The following PTPN3 variants were observed in gnomAD, a reference collection of about 807,000 sequenced individuals.
PTPN3 encodes the protein tyrosine-protein phosphatase non-receptor type 3.
PTPN3 carries 96 observed loss-of-function variants against 132.7 expected under a neutral mutation model. That is an observed-to-expected ratio of 0.72 (90% CI 0.61 to 0.86). The LOEUF (loss-of-function observed/expected upper bound fraction) is 0.86. Ranked by LOEUF, PTPN3 falls within the 40% of genes least tolerant of loss-of-function variation. PTPN3 has a pLI of 0.00. For synonymous variants in PTPN3, 398 were observed against 429.0 expected (o/e 0.93, Z 0.89); for missense variants, 1,125 against 1,159.6 (o/e 0.97, Z 0.43).
At position 109,457,252 on chromosome 9, in the gene PTPN3, C is replaced by T. The variant is rs539727271; in HGVS notation, c.247-37G>A. On this transcript the variant is annotated intron_variant, in intron 3 of 25. Coordinates refer to ENST00000374541, the MANE Select transcript of PTPN3 (RefSeq NM_002829.4). Reference sequence around the variant, plus strand: ...GAAAACATAAAATATAAAAGCAAACCGTGAAGGAGTTCAGCACATTTTTTA... The same window carrying T: ...GAAAACATAAAATATAAAAGCAAACTGTGAAGGAGTTCAGCACATTTTTTA... 8.1e-6 allele frequency: 13 copies of T among 1,612,976 alleles called. No individual in the cohort carries two copies. In the East Asian group the frequency reaches 8.9e-5, roughly 11 times the overall value.
intron 6 of PTPN3, among the ~76,000 whole-genome samples, chr9:109,446,906 G>A (rs1412762042): frequency 6.6e-6 from 1 of 152,218 alleles, no homozygotes; most frequent in Non-Finnish European, 1.5e-5. Context: ...GAAAGAAGGA[G>A]ATGACACCTT....
chr9:109,527,062 T>C, the PTPN3 span, among the ~76,000 whole-genome samples: 6 of 152,194 alleles, frequency 3.9e-5, no homozygotes, highest in Admixed American at 2.0e-4. Flanking sequence ...AAGGGCAACA[T>C]AACAGGATAT....
At chr9:109,449,337 C>G in intron 5 of PTPN3, 1 of 987,218 alleles carries the variant, frequency 1.0e-6, no homozygotes, top group Non-Finnish European at 1.2e-6. Context: ...GTGAAGACAC[C>G]TTCTTGGCTG....
rs546319386 is a variant in PTPN3, at chr9:109,468,515, C to T, written c.-17-5064G>A. Among the ~76,000 whole-genome samples the T allele has an allele frequency of 5.3e-5, 8 of 152,176 alleles. No individual in the cohort carries two copies. In the South Asian group the frequency reaches 1.2e-3, roughly 24 times the overall value. On this transcript the variant is annotated intron_variant, in intron 1 of 25. Transcript: ENST00000374541. ...CTGAGCAGGTGGGACTACAGGCGCC[C>T]GCCACCACGCCCGGCTAATTTTTTG...
Position 109,491,388 on chromosome 9 carries a change from A to C in PTPN3, c.-18+6831T>G, listed in dbSNP as rs558738827. Among the ~76,000 whole-genome samples the C allele has an allele frequency of 2.0e-5, 3 of 152,286 alleles. No individual in the cohort carries two copies. In the South Asian group the frequency reaches 6.2e-4, roughly 32 times the overall value. The stretch of plus-strand genomic sequence containing the variant: ...TGGTTCAGGATAGATATATATGTAC[A>C]CAGGGATAAAATAAAAAGAATAAAA... On this transcript the variant is annotated intron_variant, in intron 1 of 25. Coordinates refer to ENST00000374541, the MANE Select transcript of PTPN3 (RefSeq NM_002829.4).
the PTPN3 span, among the ~76,000 whole-genome samples, chr9:109,503,390 C>G: frequency 6.6e-6 from 1 of 152,118 alleles, no homozygotes; most frequent in Non-Finnish European, 1.5e-5. Context: ...ACATTTCAGC[C>G]TAATGTTTTA....
intron 7 of PTPN3, among the ~76,000 whole-genome samples, chr9:109,442,117 G>A (rs750408445): frequency 4.6e-5 from 7 of 151,840 alleles, no homozygotes; most frequent in Non-Finnish European, 8.8e-5. Context: ...GTGCAATTAT[G>A]GCTCACTGCA....
At chr9:109,429,226 A>T (rs1463931654) in intron 10 of PTPN3, among the ~76,000 whole-genome samples, 1 of 152,204 alleles carries the variant, frequency 6.6e-6, no homozygotes, top group Admixed American at 6.5e-5. Context: ...TGAAAAGTAC[A>T]TATTGTTATA....
chr9:109,405,705 T>G (rs1395661391), intron 18 of PTPN3, among the ~76,000 whole-genome samples: 2 of 152,224 alleles, frequency 1.3e-5, no homozygotes, highest in African/African-American at 4.8e-5. Context: ...TTCTCCTGCC[T>G]CAGCCTCCTG....
intron 5 of PTPN3, among the ~76,000 whole-genome samples, 198 bp downstream of exon 5, chr9:109,454,298 A>C (rs1845446122): frequency 6.6e-6 from 1 of 152,106 alleles, no homozygotes; most frequent in Non-Finnish European, 1.5e-5. Flanking sequence ...GAGATAAGAG[A>C]AGCAGGCCCA....
intron 21 of PTPN3, 55 bp from the exon 22 acceptor site, chr9:109,389,434 G>A (rs1839878028): frequency 1.3e-6 from 2 of 1,533,388 alleles, no homozygotes; most frequent in African/African-American, 2.8e-5. Flanking sequence ...GGTGCACAGG[G>A]AACTGGATTT....
the PTPN3 span, among the ~76,000 whole-genome samples, chr9:109,510,404 C>T: frequency 6.6e-6 from 1 of 151,326 alleles, no homozygotes; most frequent in Non-Finnish European, 1.5e-5. Context: ...ACTAAAACTA[C>T]AAAATTAGCC....
chr9:109,507,651 G>A, the PTPN3 span, among the ~76,000 whole-genome samples: 1 of 152,144 alleles, frequency 6.6e-6, no homozygotes, highest in African/African-American at 2.4e-5. Context: ...TGAGTCACAT[G>A]TGAAGTTAAA....
In PTPN3 at chr9:109,410,034, G is replaced by C; in HGVS notation, c.1543C>G (p.Pro515Ala). 6.2e-7 allele frequency: 1 copy of C among 1,614,158 alleles called. No individual in the cohort carries two copies. Among genetic ancestry groups the C allele is most frequent in the South Asian group, 1.1e-5 (1 of 91,070 alleles). ...AATCCAAATTTTCCATCTTCATCTG[G>C]TGTGATACGGATCAAGACTAAGTAG... is the stretch of plus-strand genomic sequence containing the variant. Reference protein sequence around the residue: ...DSYLVLIRITPDEDGKFGFNL... With the variant: ...DSYLVLIRITADEDGKFGFNL... The change falls in exon 16 of 26, where the codon CCA becomes GCA. Residue 515 changes from proline (P) to alanine (A), a missense_variant. By Grantham distance (27) the Pro-to-Ala change is conservative. Transcript: ENST00000374541.
At chr9:109,467,012 T>C (rs889521249) in intron 1 of PTPN3, among the ~76,000 whole-genome samples, 1 of 151,680 alleles carries the variant, frequency 6.6e-6, no homozygotes, top group African/African-American at 2.4e-5. Context: ...GAGTCTGAAA[T>C]ACTAATAAAA....
intron 23 of PTPN3, among the ~76,000 whole-genome samples, 186 bp from the exon 24 acceptor site, chr9:109,382,633 T>C (rs1713918253): frequency 1.3e-5 from 2 of 152,092 alleles, no homozygotes; most frequent in Admixed American, 6.6e-5. Flanking sequence ...GGCTCAGCTG[T>C]GGGCCTGTCC....
At chr9:109,449,608 G>A in intron 5 of PTPN3, 3 of 985,454 alleles carry the variant, frequency 3.0e-6, no homozygotes, top group Non-Finnish European at 2.4e-6. Flanking sequence ...AGGTCAGGAA[G>A]CGCCCTGGGG....
intron 1 of PTPN3, among the ~76,000 whole-genome samples, chr9:109,466,191 G>A (rs556261408): frequency 1.3e-5 from 2 of 152,290 alleles, no homozygotes; most frequent in Admixed American, 6.5e-5. Flanking sequence ...GTTAGTAAAT[G>A]TCCGAATGAA....
intron 10 of PTPN3, among the ~76,000 whole-genome samples, chr9:109,432,678 A>T (rs1843748431): frequency 6.6e-6 from 1 of 152,206 alleles, no homozygotes; most frequent in Admixed American, 6.5e-5. Flanking sequence ...AGTTTAGAAC[A>T]GAGCTGGACA....
Sources: gnomAD v4.1 joint callset for allele counts (sites outside exome capture counted in the v4.1 genomes callset) on GRCh38, gnomAD v4.1.1 for gene constraint, MANE v1.5 for transcripts, NCBI Gene and HGNC (gene_info 2026-07-23, HGNC 2026-07-21) for gene names.